CENPE: variants seen among roughly 807,000 people sequenced by gnomAD.
CENPE encodes the protein centromere-associated protein E.
CENPE carries 145 observed loss-of-function variants against 336.1 expected under a neutral mutation model. That is an observed-to-expected ratio of 0.43 (90% CI 0.38 to 0.50). The LOEUF is 0.50. Ranked by LOEUF, CENPE falls within the 20% of genes least tolerant of loss-of-function variation. The pLI, the probability that CENPE is intolerant of heterozygous loss-of-function variation, is 0.00. For missense variants in CENPE, 2,719 were observed against 3,023.3 expected, an observed-to-expected ratio of 0.90 and a Z score of 2.36; for synonymous variants, 1,013 against 984.8, an observed-to-expected ratio of 1.03 and a Z score of -0.54.
intron 42 of CENPE, among the ~76,000 whole-genome samples, chr4:103,128,676 C>G (rs1426421761): frequency 6.6e-6 from 1 of 151,984 alleles, no homozygotes; most frequent in Non-Finnish European, 1.5e-5. Context: ...ATTTTGAACT[C>G]AATGAAAATG....
In CENPE at chr4:103,194,300, T is replaced by G. The variant is rs755764926; in HGVS notation, c.628-6A>C. 2 of 1,612,504 alleles carry G rather than the reference T, an allele frequency of 1.2e-6. No individual in the cohort carries two copies. The highest frequency in any genetic ancestry group is 3.3e-5 in the Admixed American group (2 of 59,874). ...TTCTCTCTGCTTTCCAAAATCTAGA[T>G]AGAAAAGGCAAGCTGTAGAAAAATT... On this transcript the variant is annotated splice_region_variant and splice_polypyrimidine_tract_variant and intron_variant, in intron 7 of 48. Coordinates refer to ENST00000265148, the MANE Select transcript of CENPE (RefSeq NM_001813.3).
chr4:103,176,778 T>C (rs561693085), intron 14 of CENPE, 121 bp downstream of exon 14: 6 of 704,264 alleles, frequency 8.5e-6, no homozygotes, highest in East Asian at 6.3e-5. Context: ...TCCATTGTAA[T>C]CACATATGAA....
intron 24 of CENPE, among the ~76,000 whole-genome samples, chr4:103,153,950 T>C (rs1753764075): frequency 1.3e-5 from 2 of 152,248 alleles, no homozygotes; most frequent in African/African-American, 4.8e-5. Flanking sequence ...ATGTATATTT[T>C]ATATACTGCT....
chr4:103,145,724 A>G (rs1273128286), intron 30 of CENPE, 43 bp from the exon 31 acceptor site: 1 of 1,525,850 alleles, frequency 6.6e-7, no homozygotes, highest in Middle Eastern at 1.8e-4. Flanking sequence ...TAGAAACATT[A>G]TAACTATTTT....
intron 46 of CENPE, among the ~76,000 whole-genome samples, chr4:103,113,881 T>C (rs967468006): frequency 6.6e-6 from 1 of 151,830 alleles, no homozygotes; most frequent in African/African-American, 2.4e-5. Flanking sequence ...TCAAGCATTC[T>C]TTCTTTTCAA....
chr4:103,178,310 C>T (rs1756050785), intron 13 of CENPE, among the ~76,000 whole-genome samples: 1 of 152,132 alleles, frequency 6.6e-6, no homozygotes, highest in Non-Finnish European at 1.5e-5. Context: ...ATATTCCCTT[C>T]CCCCTTGTCA....
intron 42 of CENPE, among the ~76,000 whole-genome samples, chr4:103,131,706 T>C (rs1186432135): frequency 1.3e-5 from 2 of 152,134 alleles, no homozygotes; most frequent in Non-Finnish European, 2.9e-5. Context: ...GCCACCAAAA[T>C]ATCCTTTGGT....
At chr4:103,172,231 C>A (rs114243349) in intron 16 of CENPE, among the ~76,000 whole-genome samples, 228 of 152,074 alleles carry the variant, frequency 1.5e-3, no homozygotes, top group African/African-American at 5.3e-3. Flanking sequence ...CTGAATTTAA[C>A]AGCACATTTA....
At chr4:103,128,961 T>A (rs1377135267) in intron 42 of CENPE, among the ~76,000 whole-genome samples, 1 of 152,024 alleles carries the variant, frequency 6.6e-6, no homozygotes, top group South Asian at 2.1e-4. Context: ...TTAATAAACC[T>A]CTAGCTAGGC....
intron 29 of CENPE, among the ~76,000 whole-genome samples, chr4:103,147,126 G>A (rs983910682): frequency 6.6e-6 from 1 of 151,884 alleles, no homozygotes; most frequent in African/African-American, 2.4e-5. Flanking sequence ...ATTATTTTTT[G>A]AATATTTAAG....
chr4:103,174,029 G>A (rs1251499106), intron 16 of CENPE, among the ~76,000 whole-genome samples: 1 of 151,850 alleles, frequency 6.6e-6, no homozygotes, highest in Non-Finnish European at 1.5e-5. Context: ...AAATGAGTAT[G>A]TTCAAGAAAT....
chr4:103,114,594 A>AT (rs769673780), intron 45 of CENPE, 42 bp from the exon 46 acceptor site: 31 of 1,249,906 alleles, frequency 2.5e-5, no homozygotes, highest in Middle Eastern at 4.3e-4. Flanking sequence ...TCAGCAACTG[A>AT]TTTTTTACAG....
rs990461251 is a variant in CENPE, at chr4:103,188,658, C to T, written c.694-2797G>A. On this transcript the variant is annotated intron_variant, in intron 8 of 48. Coordinates refer to ENST00000265148, the MANE Select transcript of CENPE (RefSeq NM_001813.3). ...ATTTAAAGCAGTGTGTAGAGGGAAA[C>T]TTATAGCACTAAACGCCCACAAGAG... 1.5e-3 allele frequency among the ~76,000 whole-genome samples: 225 copies of T among 152,068 alleles called. 3 individuals are homozygous for T. The highest frequency in any genetic ancestry group is 5.1e-3 in the African/African-American group (210 of 41,462).
At chr4:103,126,633 C>G (rs189846849) in intron 42 of CENPE, among the ~76,000 whole-genome samples, 2 of 151,950 alleles carry the variant, frequency 1.3e-5, no homozygotes, top group Non-Finnish European at 2.9e-5. Flanking sequence ...AGTTATCAGA[C>G]CAGAAATTTA....
chr4:103,164,520 GAC>G (rs139801217), intron 16 of CENPE, among the ~76,000 whole-genome samples: 1,649 of 152,088 alleles, frequency 0.011, 22 homozygotes, highest in African/African-American at 0.034. Context: ...CATAATGTCA[GAC>G]ACATATGTAA....
Position 103,148,918 on chromosome 4 carries a change from T to G in CENPE, c.3769A>C (p.Ser1257Arg). ...ATTTGAGCTGTCTTCTCAGATACGC[T>G]TCTTCTTAGTTCATCAATAGTTTCT... Reference protein sequence around the residue: ...HQETIDELRRSVSEKTAQIIN... With the variant: ...HQETIDELRRRVSEKTAQIIN... Residue 1257 changes from serine to arginine, a missense_variant, in exon 28 of 49, where the codon AGC becomes CGC. Ser to Arg is a moderately radical substitution (Grantham distance 110). Coordinates refer to ENST00000265148, the MANE Select transcript of CENPE (RefSeq NM_001813.3). 3 of 1,613,414 alleles carry G rather than the reference T, an allele frequency of 1.9e-6. No individual in the cohort carries two copies. The highest frequency in any genetic ancestry group is 2.2e-5 in the East Asian group (1 of 44,834).
chr4:103,108,838 C>G lies in CENPE; in HGVS notation c.7976G>C (p.Arg2659Pro), dbSNP rs769138961. Residue 2659 changes from arginine to proline, a missense_variant, in exon 48 of 49, where the codon CGC (arginine) becomes CCC (proline). This residue lies in a region of CENPE where 2,437 missense variants were observed against 2,513.3 expected (regional missense o/e 0.97). Coordinates refer to ENST00000265148, the MANE Select transcript of CENPE (RefSeq NM_001813.3). ...SKSLPSPHPV[R>P]YFDNSSLGLC... Reference sequence around the variant, plus strand: ...GCCTAAACTTGAGTTATCAAAATAGCGAACTGGATGAGGTGATGGTAAAGA... The same window carrying G: ...GCCTAAACTTGAGTTATCAAAATAGGGAACTGGATGAGGTGATGGTAAAGA... The G allele has an allele frequency of 1.9e-6, 3 of 1,613,606 alleles. No homozygotes were observed. The highest frequency in any genetic ancestry group is 2.7e-5 in the African/African-American group (2 of 74,974).
intron 33 of CENPE, 67 bp from the exon 34 acceptor site, chr4:103,143,473 T>C (rs1428868324): frequency 3.7e-6 from 4 of 1,083,134 alleles, no homozygotes; most frequent in Non-Finnish European, 5.5e-6. Context: ...TAGAAAGGTA[T>C]AGGGCAGGAG....
At chr4:103,110,734 G>T in intron 47 of CENPE, 94 bp downstream of exon 47, 1 of 869,256 alleles carries the variant, frequency 1.2e-6, no homozygotes, top group Non-Finnish European at 1.7e-6. Context: ...TGACTGAAGT[G>T]TTACCACCTG....
Sources: allele counts gnomAD v4.1 joint callset (sites outside exome capture counted in the v4.1 genomes callset), GRCh38; gene constraint gnomAD v4.1.1; regional missense constraint gnomAD v4.1.1; transcripts MANE v1.5; gene names NCBI Gene and HGNC (gene_info 2026-07-23, HGNC 2026-07-21).